Variants in ASPG observed in about 807,000 individuals in gnomAD.
ASPG encodes 60 kDa lysophospholipase.
In ASPG, 53 loss-of-function variants were observed where a neutral mutation model predicts 63.2. The ratio of observed to expected loss-of-function variants is 0.84; its 90% confidence interval spans 0.67 to 1.05. The LOEUF is 1.05. Among genes scored for constraint, ASPG ranks in the 50% least tolerant of loss-of-function variants. The pLI, the probability that ASPG is intolerant of heterozygous loss-of-function variation, is 0.00. For missense variants in ASPG, 741 were observed against 794.4 expected (o/e 0.93, Z 0.81); for synonymous variants, 370 against 355.0 (o/e 1.04, Z -0.48).
At chr14:104,086,077 C>G (rs956738880) in intron 1 of ASPG, among the ~76,000 whole-genome samples, 6 of 152,156 alleles carry the variant, frequency 3.9e-5, no homozygotes, top group Admixed American at 2.0e-4. Context: ...GCGGTGCTCC[C>G]GGGAGCGCCC....
intron 15 of ASPG, 116 bp from the exon 16 acceptor site, chr14:104,112,408 C>T: frequency 1.4e-6 from 1 of 729,398 alleles, no homozygotes; most frequent in Non-Finnish European, 2.5e-6. Context: ...TAGTCTCAAG[C>T]TGGGTTTGCT....
rs758204389 is a variant in ASPG at position 104,111,575 on chromosome 14, T to C, written c.1594T>C (p.Tyr532His). Residue 532 changes from tyrosine (Y) to histidine (H), a missense_variant, in exon 14 of 16, where the codon TAT becomes CAT. By Grantham distance (83) the Tyr-to-His change is moderately conservative (BLOSUM62 2). Transcript: ENST00000551177. The part of the protein sequence containing the change: ...QAGADLGQPG[Y>H]DGHSALHVAE... The stretch of plus-strand genomic sequence containing the variant: ...AGGGGCTGACCTGGGGCAGCCGGGC[T>C]ATGACGGGCACAGCGCCCTGCACGT... 9 of 1,550,958 alleles carry C rather than the reference T, an allele frequency of 5.8e-6. No individual in the cohort carries two copies. The South Asian group carries it at 1.1e-4, about 18-fold the overall frequency.
intron 1 of ASPG, among the ~76,000 whole-genome samples, chr14:104,090,696 T>C (rs2140978408): frequency 6.6e-6 from 1 of 152,344 alleles, no homozygotes; most frequent in Non-Finnish European, 1.5e-5. Context: ...CCCCGTGCCC[T>C]GTGGCCTTCC....
In ASPG at chr14:104,112,691, A is replaced by G; in HGVS notation, c.*147A>G. On this transcript the variant is annotated 3_prime_UTR_variant, in exon 16 of 16. Transcript: ENST00000551177. ...CCTTTGTTGGGCAGGACGGCAATAA[A>G]GTCTCTGACATCCCCTCACCAGGTC... 2.6e-6 allele frequency: 4 copies of G among 1,515,030 alleles called. No individual in the cohort carries two copies. Among genetic ancestry groups the G allele is most frequent in the Non-Finnish European group, 3.5e-6 (4 of 1,129,612 alleles). The allele number at this position is 1,515,030 out of a possible 1,614,324, so 93.8% of individuals were successfully genotyped here.
At chr14:104,108,954 G>A (rs1596110444) in intron 12 of ASPG, 11 of 985,322 alleles carry the variant, frequency 1.1e-5, no homozygotes, top group Middle Eastern at 5.2e-4. Context: ...TGCTGGGTGC[G>A]GGGCTGCCAC....
rs771097726 is a variant in ASPG at position 104,093,542 on chromosome 14, C to G, written c.243C>G (p.Pro81=). The part of the protein sequence containing the change: ...RILYTVLECQ[P]LFDSSDMTIA... ...TCTACACCGTGCTGGAGTGCCAGCC[C>G]CTCTTCGACTCCAGTGACATGACCA... The change falls in exon 3 of 16, where the codon CCC becomes CCG. Residue 81 remains proline, a synonymous_variant. Transcript: ENST00000551177. 2.2e-5 allele frequency: 35 copies of G among 1,612,586 alleles called. No individual in the cohort carries two copies. In the South Asian group the frequency reaches 3.8e-4, roughly 18 times the overall value.
chr14:104,111,674 G>A, intron 14 of ASPG, 73 bp downstream of exon 14: 1 of 1,285,384 alleles, frequency 7.8e-7, no homozygotes. Flanking sequence ...CAATTCACCA[G>A]CTCACTGCTC....
At chr14:104,103,505 TG>T in intron 6 of ASPG, 57 bp from the exon 7 acceptor site, 2 of 1,455,586 alleles carry the variant, frequency 1.4e-6, no homozygotes, top group Non-Finnish European at 1.9e-6. Flanking sequence ...GGCACTGGGC[TG>T]GGGTCTCGGC....
intron 5 of ASPG, among the ~76,000 whole-genome samples, chr14:104,098,562 G>GGGAA (rs1488977081): frequency 1.3e-5 from 2 of 152,178 alleles, no homozygotes; most frequent in Non-Finnish European, 2.9e-5. Flanking sequence ...CAGGTGGGAA[G>GGGAA]GGAAGGAAGT....
chr14:104,100,875 G>T (rs996275975), intron 6 of ASPG, among the ~76,000 whole-genome samples: 43 of 152,216 alleles, frequency 2.8e-4, no homozygotes, highest in African/African-American at 8.0e-4. Context: ...GTGCCCTGCA[G>T]GCCCGGCTCC....
chr14:104,099,841 C>T (rs1484002849), intron 6 of ASPG, among the ~76,000 whole-genome samples: 1 of 152,234 alleles, frequency 6.6e-6, no homozygotes, highest in Non-Finnish European at 1.5e-5. Context: ...CCCGGGGAGG[C>T]TCCAGGGCTT....
At chr14:104,107,917 C>T (rs923338773) in intron 12 of ASPG, among the ~76,000 whole-genome samples, 3 of 152,190 alleles carry the variant, frequency 2.0e-5, no homozygotes, top group African/African-American at 7.2e-5. Flanking sequence ...TCTGCTGGTG[C>T]CGCTGCCCGG....
rs564977873 is a variant in ASPG at position 104,089,240 on chromosome 14, C to T, written c.82+3388C>T. ...AGAAATTGCCCCAGCTGACTGGGCG[C>T]GGTGGCTCACACCTGTAATCCCAGC... On this transcript the variant is annotated intron_variant, in intron 1 of 15. Transcript: ENST00000551177. Among the ~76,000 whole-genome samples, 41 of 152,240 alleles carry T rather than the reference C, an allele frequency of 2.7e-4. 1 individual carries two copies. Among genetic ancestry groups the T allele is most frequent in the Admixed American group, 2.0e-3 (31 of 15,304 alleles).
chr14:104,089,146 G>A lies in ASPG; in HGVS notation c.82+3294G>A, dbSNP rs867172426. 2.5e-4 allele frequency among the ~76,000 whole-genome samples: 38 copies of A among 151,770 alleles called. No homozygotes were observed. In the South Asian group the frequency reaches 4.2e-3, roughly 17 times the overall value. On this transcript the variant is annotated intron_variant, in intron 1 of 15. Coordinates refer to ENST00000551177, the MANE Select transcript of ASPG (RefSeq NM_001080464.3). ...CACCATTCTCCTGCCTCAGCCTCCC[G>A]AGTAGCTGGGACTACAGGCGCCCGC...
intron 1 of ASPG, among the ~76,000 whole-genome samples, chr14:104,089,877 G>A (rs1450519769): frequency 6.6e-6 from 1 of 150,626 alleles, no homozygotes; most frequent in Non-Finnish European, 1.5e-5. Flanking sequence ...GAGCCGGGTG[G>A]GTGGAGGTTG....
intron 4 of ASPG, among the ~76,000 whole-genome samples, chr14:104,096,747 A>G (rs960105889): frequency 2.0e-5 from 3 of 152,170 alleles, no homozygotes; most frequent in African/African-American, 7.2e-5. Flanking sequence ...CTGTGGGGAA[A>G]CTGAGGCTTA....
At chr14:104,094,219 C>T (rs2036495132) in intron 3 of ASPG, among the ~76,000 whole-genome samples, 1 of 151,994 alleles carries the variant, frequency 6.6e-6, no homozygotes, top group South Asian at 2.1e-4. Context: ...TTGTCTTAGC[C>T]TGTCCCAGTT....
intron 2 of ASPG, chr14:104,093,023 G>A (rs2140984401): frequency 1.9e-6 from 1 of 517,270 alleles, no homozygotes; most frequent in South Asian, 2.5e-5. Context: ...CCCGTCTAGG[G>A]ATCCTGTATA....
Position 104,110,029 on chromosome 14 carries a change from C to A in ASPG, c.1520+714C>A. ...CTGTCCGCCACAGCCAGAATCGCTGCCCCCCACCCCATGCCTTGTGCCTGG... is the reference window on the plus strand; with the variant it reads ...CTGTCCGCCACAGCCAGAATCGCTGACCCCCACCCCATGCCTTGTGCCTGG... On this transcript the variant is annotated intron_variant, in intron 13 of 15. Coordinates refer to ENST00000551177, the MANE Select transcript of ASPG (RefSeq NM_001080464.3). The surrounding 1 kb of genome is among the most constrained non-coding windows in gnomAD (Gnocchi z 4.7). The A allele has an allele frequency of 2.0e-6, 2 of 985,366 alleles. No homozygotes were observed. Among genetic ancestry groups the A allele is most frequent in the Non-Finnish European group, 2.4e-6 (2 of 829,910 alleles). 61.0% of individuals were successfully genotyped at this position (985,366 alleles called of 1,614,324 possible). A position where few individuals can be genotyped will look rare whatever the true frequency, so the allele number is the denominator to read the frequency against.
Sources: gnomAD v4.1 joint callset for allele counts (sites outside exome capture counted in the v4.1 genomes callset) on GRCh38, gnomAD v4.1.1 for gene constraint, Gnocchi (gnomAD v3.1) non-coding constraint, MANE v1.5 for transcripts, NCBI Gene and HGNC (gene_info 2026-07-23, HGNC 2026-07-21) for gene names.